Variants in ARHGAP44 observed in about 807,000 individuals in gnomAD.
ARHGAP44 encodes rho GTPase-activating protein 44.
Under a neutral mutation model 106.8 loss-of-function variants are expected in ARHGAP44, and 43 were observed. The ratio of observed to expected loss-of-function variants is 0.40; its 90% CI spans 0.32 to 0.52. The LOEUF is 0.52. ARHGAP44 is among the 20% of genes least tolerant of loss of function. The pLI, the probability that ARHGAP44 is intolerant of heterozygous loss-of-function variation, is 0.48. For synonymous variants in ARHGAP44, 439 were observed against 410.3 expected (o/e 1.07, Z -0.85); for missense variants, 866 against 1,050.5 (o/e 0.82, Z 2.43).
intron 16 of ARHGAP44, among the ~76,000 whole-genome samples, chr17:12,964,002 GC>G (rs771993057): frequency 7.9e-5 from 12 of 152,100 alleles, no homozygotes; most frequent in Non-Finnish European, 1.5e-4. Flanking sequence ...TCCTACTTTA[GC>G]CATTGAGTAT....
At chr17:12,977,342 A>C (rs904248218) in intron 18 of ARHGAP44, among the ~76,000 whole-genome samples, 2 of 151,856 alleles carry the variant, frequency 1.3e-5, no homozygotes, top group Non-Finnish European at 2.9e-5. Flanking sequence ...AGCCCAGATG[A>C]TGTTCCCTCG....
At chr17:12,934,915 A>G (rs1307087687) in intron 7 of ARHGAP44, among the ~76,000 whole-genome samples, 1 of 152,130 alleles carries the variant, frequency 6.6e-6, no homozygotes, top group Non-Finnish European at 1.5e-5. Context: ...TTTACCTAAC[A>G]TGGAGGACAG....
chr17:12,808,982 GA>G (rs2034361168), intron 1 of ARHGAP44, among the ~76,000 whole-genome samples: 1 of 152,214 alleles, frequency 6.6e-6, no homozygotes, highest in Admixed American at 6.5e-5. Context: ...TTGCTGCTTA[GA>G]AATTTATTCT....
intron 8 of ARHGAP44, among the ~76,000 whole-genome samples, chr17:12,941,640 A>T (rs923355884): frequency 6.6e-6 from 1 of 152,184 alleles, no homozygotes; most frequent in African/African-American, 2.4e-5. Flanking sequence ...TTTTTAATCT[A>T]GATTTTATGA....
chr17:12,984,660 A>G lies in ARHGAP44; in HGVS notation c.2069A>G (p.Tyr690Cys), dbSNP rs1208860463. 3.1e-6 allele frequency: 5 copies of G among 1,612,758 alleles called. No homozygotes were observed. In the South Asian group the frequency reaches 3.3e-5, roughly 11 times the overall value. Reference protein sequence around the residue: ...SPTPPSTPSPYGLSYPQGYSL... With the variant: ...SPTPPSTPSPCGLSYPQGYSL... ...ACCCCGCCCAGCACCCCGTCACCCT[A>G]TGGACTGAGCTACCCTCAGGGGTAC... is the stretch of plus-strand genomic sequence containing the variant. The change falls in exon 20 of 21, where the codon TAT becomes TGT. Residue 690 changes from tyrosine (Y) to cysteine (C), a missense_variant. Transcript: ENST00000379672.
chr17:12,878,136 G>C (rs920960011), intron 1 of ARHGAP44, among the ~76,000 whole-genome samples: 1 of 152,126 alleles, frequency 6.6e-6, no homozygotes, highest in African/African-American at 2.4e-5. Flanking sequence ...ATGTATTGCA[G>C]ACCTTTTCAG....
chr17:12,812,921 A>G (rs370749809), intron 1 of ARHGAP44, among the ~76,000 whole-genome samples: 26 of 152,352 alleles, frequency 1.7e-4, no homozygotes, highest in African/African-American at 6.0e-4. Context: ...ATGGTGTTCT[A>G]TAAAAGTCTC....
intron 1 of ARHGAP44, among the ~76,000 whole-genome samples, chr17:12,833,391 G>A (rs114882071): frequency 9.5e-4 from 144 of 152,170 alleles, no homozygotes; most frequent in African/African-American, 3.3e-3. Flanking sequence ...GCTTAAAGTC[G>A]GTGCCTCCCT....
intron 2 of ARHGAP44, among the ~76,000 whole-genome samples, chr17:12,896,110 G>A (rs1790513662): frequency 7.6e-6 from 1 of 131,566 alleles, no homozygotes; most frequent in East Asian, 2.7e-4. Flanking sequence ...TCATGGGATA[G>A]GGGGAGGGGG....
chr17:12,958,761 G>T lies in ARHGAP44; in HGVS notation c.1387G>T (p.Val463Leu), dbSNP rs3213688. The T allele has an allele frequency of 1.2e-6, 2 of 1,613,744 alleles. No individual in the cohort carries two copies. The highest frequency in any genetic ancestry group is 1.7e-6 in the Non-Finnish European group (2 of 1,179,872). Residue 463 changes from valine (V) to leucine (L), a missense_variant, in exon 16 of 21, where the codon GTG (valine) becomes TTG (leucine). Around this residue, in one of 2 missense-constraint regions of ARHGAP44, gnomAD observed 448 missense variants for 646.9 expected, o/e 0.69. Coordinates refer to ENST00000379672, the MANE Select transcript of ARHGAP44 (RefSeq NM_014859.6). The surrounding 1 kb of genome is among the most constrained non-coding windows in gnomAD (Gnocchi z 4.1). ...TGGCAATTATGGGAGTCCAGTACACGTGAACCATAATGCCAACTACAGCTC... is the reference window on the plus strand; with the variant it reads ...TGGCAATTATGGGAGTCCAGTACACTTGAACCATAATGCCAACTACAGCTC... ...ITGNYGSPVHVNHNANYSSMP... is the reference protein window; with the variant it reads ...ITGNYGSPVHLNHNANYSSMP...
chr17:12,865,596 T>C (rs1034232302), intron 1 of ARHGAP44, among the ~76,000 whole-genome samples: 3 of 152,110 alleles, frequency 2.0e-5, no homozygotes, highest in African/African-American at 4.8e-5. Flanking sequence ...CAGACCATCC[T>C]GGCTAACATG....
chr17:12,877,566 C>T (rs1002280421), intron 1 of ARHGAP44, among the ~76,000 whole-genome samples: 21 of 152,068 alleles, frequency 1.4e-4, no homozygotes, highest in African/African-American at 4.8e-4. Context: ...CTGGCTAACA[C>T]GGCGAAATCC....
At chr17:12,790,205 T>G (rs1249668303) in intron 1 of ARHGAP44, 15 of 363,620 alleles carry the variant, frequency 4.1e-5, no homozygotes, top group Non-Finnish European at 5.9e-5. Flanking sequence ...CCCTTCTCCC[T>G]CTGGCCGCCT....
At chr17:12,884,127 CTCCCTGATTGTTTG>C (rs1168289293) in intron 1 of ARHGAP44, among the ~76,000 whole-genome samples, 1 of 151,850 alleles carries the variant, frequency 6.6e-6, no homozygotes, top group Non-Finnish European at 1.5e-5. Flanking sequence ...CTCTTTTGAT[CTCCCTGATTGTTTG>C]TGTTTTAGAT....
At chr17:12,796,714 A>G (rs556736821) in intron 1 of ARHGAP44, among the ~76,000 whole-genome samples, 7 of 151,362 alleles carry the variant, frequency 4.6e-5, no homozygotes, top group Admixed American at 2.0e-4. Context: ...CTCCTGCCTC[A>G]GCCTCCCAAG....
chr17:12,835,757 G>A (rs1044418245), intron 1 of ARHGAP44, among the ~76,000 whole-genome samples: 6 of 151,758 alleles, frequency 4.0e-5, no homozygotes, highest in Admixed American at 3.3e-4. Flanking sequence ...TTTTCATCTT[G>A]CAACACTGGA....
At chr17:12,955,429 T>A (rs953918594) in intron 13 of ARHGAP44, among the ~76,000 whole-genome samples, 10 of 152,298 alleles carry the variant, frequency 6.6e-5, no homozygotes, top group African/African-American at 2.4e-4. Flanking sequence ...CTTTATTAGA[T>A]CTTTCCAGAG....
At chr17:12,896,207 A>G (rs1001879700) in intron 2 of ARHGAP44, among the ~76,000 whole-genome samples, 200 bp from the exon 3 acceptor site, 2 of 152,084 alleles carry the variant, frequency 1.3e-5, no homozygotes, top group Admixed American at 6.5e-5. Context: ...GTGTATACAT[A>G]TGTAACAAAC....
rs2039114804 is a variant in ARHGAP44, at chr17:12,955,885, A to G, written c.1155A>G (p.Leu385=). The part of the protein sequence containing the change: ...HNNIRYLIKF[L]SKLSEYQDVN... The stretch of plus-strand genomic sequence containing the variant: ...CTTTTAGATACTTGATAAAATTTTT[A>G]TCCAAGCTGTCAGAATATCAAGATG... The change falls in exon 14 of 21, where the codon TTA becomes TTG. Residue 385 remains leucine (L), a synonymous_variant. Transcript: ENST00000379672. 1 of 1,613,108 alleles carries G rather than the reference A, an allele frequency of 6.2e-7. No individual in the cohort carries two copies. Among genetic ancestry groups the G allele is most frequent in the Non-Finnish European group, 8.5e-7 (1 of 1,179,534 alleles).
Sources: gnomAD v4.1 joint callset for allele counts (sites outside exome capture counted in the v4.1 genomes callset) on GRCh38, gnomAD v4.1.1 for gene constraint, gnomAD v4.1.1 regional missense constraint, Gnocchi (gnomAD v3.1) non-coding constraint, MANE v1.5 for transcripts, NCBI Gene and HGNC (gene_info 2026-07-23, HGNC 2026-07-21) for gene names.